Variants in ZNF200 observed in about 807,000 individuals in gnomAD.
The protein encoded by ZNF200 is zinc finger protein 200.
A neutral mutation model predicts 33.6 loss-of-function variants in ZNF200; 35 were observed. That is an observed-to-expected ratio of 1.04 (90% CI 0.80 to 1.38). The LOEUF (loss-of-function observed/expected upper bound fraction) is 1.38, where lower values mean the gene tolerates loss of function less well. ZNF200 is among the 40% of genes most tolerant of loss of function. The pLI, the probability that ZNF200 is intolerant of heterozygous loss-of-function variation, is 0.00. For synonymous variants in ZNF200, 209 were observed against 167.7 expected, an observed-to-expected ratio of 1.25 and a Z score of -1.90; for missense variants, 592 against 470.6, an observed-to-expected ratio of 1.26 and a Z score of -2.39.
Position 3,232,904 on chromosome 16 carries a change from C to T in ZNF200, c.268G>A (p.Val90Met). Residue 90 changes from valine to methionine, a missense_variant, in exon 3 of 5, where the codon GTG becomes ATG. By Grantham distance (21) the Val-to-Met change is conservative. Coordinates refer to ENST00000414144, the MANE Select transcript of ZNF200 (RefSeq NM_198088.3). ...LQNRVHPRPL[V>M]KLLPKGVQKE... ...TGGACTCCTTTGGGCAGAAGCTTCA[C>T]CAAGGGACGAGGATGCACTGGGGAA... 6.2e-7 allele frequency: 1 copy of T among 1,613,742 alleles called. No homozygotes were observed. The highest frequency in any genetic ancestry group is 8.5e-7 in the Non-Finnish European group (1 of 1,179,822).
At position 3,233,763 on chromosome 16, in the gene ZNF200, A is replaced by G; in HGVS notation, c.-8T>C. 2 of 1,606,504 alleles carry G rather than the reference A, an allele frequency of 1.2e-6. No homozygotes were observed. The highest frequency in any genetic ancestry group is 1.7e-6 in the Non-Finnish European group (2 of 1,176,018). The stretch of plus-strand genomic sequence containing the variant: ...CACTTTTGCAGCCATCATGCCTTGC[A>G]ACCACACACCACACTCGTTTCGCGG... On this transcript the variant is annotated 5_prime_UTR_variant, in exon 2 of 5. Coordinates refer to ENST00000414144, the MANE Select transcript of ZNF200 (RefSeq NM_198088.3).
chr16:3,229,031 C>T (rs143042788), intron 4 of ZNF200, among the ~76,000 whole-genome samples: 470 of 152,060 alleles, frequency 3.1e-3, no homozygotes, highest in African/African-American at 0.011. Flanking sequence ...GTTTTTTTGT[C>T]ATTCCCTAAA....
At position 3,235,039 on chromosome 16, in the gene ZNF200, C is replaced by A. The variant is rs957464234; in HGVS notation, c.-134G>T. 6.6e-6 allele frequency: 1 copy of A among 152,252 alleles called. No individual in the cohort carries two copies. The highest frequency in any genetic ancestry group is 2.4e-5 in the African/African-American group (1 of 41,460). 9.4% of individuals were successfully genotyped at this position (152,252 alleles called of 1,614,324 possible). A position where few individuals can be genotyped will look rare whatever the true frequency, so the allele number is the denominator to read the frequency against. ...GTTTGCTGGGGACGGCTCAGAGACT[C>A]AGGCTCCGGGAGAGATAGAAAAACT... is the stretch of plus-strand genomic sequence containing the variant. On this transcript the variant is annotated 5_prime_UTR_variant, in exon 1 of 5. Transcript: ENST00000414144.
rs140393003 is a variant in ZNF200 at position 3,232,544 on chromosome 16, G to C, written c.343C>G (p.Leu115Val). 38 of 1,613,396 alleles carry C rather than the reference G, an allele frequency of 2.4e-5. No individual in the cohort carries two copies. The African/African-American group carries it at 4.3e-4, about 18-fold the overall frequency. Residue 115 changes from leucine to valine, a missense_variant, in exon 4 of 5, where the codon CTG becomes GTG. Leu to Val is a conservative substitution (Grantham distance 32). Coordinates refer to ENST00000414144, the MANE Select transcript of ZNF200 (RefSeq NM_198088.3). Reference sequence around the variant, plus strand: ...ACATTCAAATCCTCAAAGACCACCAGCTCCTGAAAGAGCAAGAGGCCCCTT... The same window carrying C: ...ACATTCAAATCCTCAAAGACCACCACCTCCTGAAAGAGCAAGAGGCCCCTT... ...SLYLKANPEE[L>V]VVFEDLNVFH...
At position 3,223,689 on chromosome 16, in the gene ZNF200, T is replaced by C; in HGVS notation, c.*203A>G. ...TCCTTAGTCCAAAAAGCCTAGATGC[T>C]GAGGTATAGCCCTTGAAATGTTTTC... On this transcript the variant is annotated 3_prime_UTR_variant, in exon 5 of 5. Coordinates refer to ENST00000414144, the MANE Select transcript of ZNF200 (RefSeq NM_198088.3). 2.9e-6 allele frequency: 2 copies of C among 691,770 alleles called. No homozygotes were observed. The highest frequency in any genetic ancestry group is 4.5e-6 in the Non-Finnish European group (2 of 446,712). 42.9% of individuals were successfully genotyped at this position (691,770 alleles called of 1,614,324 possible). A position where few individuals can be genotyped will look rare whatever the true frequency, so the allele number is the denominator to read the frequency against.
rs144940925 is a variant in ZNF200 at position 3,224,264 on chromosome 16, C to T, written c.816G>A (p.Arg272=). ...CATAGGGTTTTTCTCCAGTGTGGGT[C>T]CTCTGGTGGGAAATGAGGTAAGAAC... ...NESSYLISHQ[R]THTGEKPYDC... is the part of the protein sequence containing the mutation. The change falls in exon 5 of 5, where the codon AGG becomes AGA. Residue 272 remains arginine, a synonymous_variant. Transcript: ENST00000414144. 2.5e-4 allele frequency: 400 copies of T among 1,614,010 alleles called. No individual in the cohort carries two copies. Among genetic ancestry groups the T allele is most frequent in the Non-Finnish European group, 3.2e-4 (382 of 1,180,020 alleles).
intron 4 of ZNF200, among the ~76,000 whole-genome samples, chr16:3,228,800 T>G (rs1473043971): frequency 3.3e-5 from 5 of 152,128 alleles, no homozygotes; most frequent in African/African-American, 1.2e-4. Context: ...GTGCCCAGCA[T>G]GGGGACTGGA....
intron 4 of ZNF200, chr16:3,227,768 G>T (rs369749741): frequency 1.2e-4 from 18 of 152,290 alleles, no homozygotes; most frequent in African/African-American, 4.3e-4. Context: ...CAGCCATGCT[G>T]AACTGTGAGT....
chr16:3,232,817 G>A lies in ZNF200; in HGVS notation c.339+16C>T. ...AGGTGATGGATTCAGGCAGTAAATG[G>A]GAAAACCAAACCCACCTCAGGGTTA... On this transcript the variant is annotated intron_variant, in intron 3 of 4. Transcript: ENST00000414144. 1.2e-6 allele frequency: 2 copies of A among 1,612,700 alleles called. No homozygotes were observed. The highest frequency in any genetic ancestry group is 1.7e-6 in the Non-Finnish European group (2 of 1,178,944).
chr16:3,223,742 G>T lies in ZNF200; in HGVS notation c.*150C>A. The T allele has an allele frequency of 8.4e-7, 1 of 1,194,710 alleles. No individual in the cohort carries two copies. Among genetic ancestry groups the T allele is most frequent in the Non-Finnish European group, 1.2e-6 (1 of 869,042 alleles). 74.0% of individuals were successfully genotyped at this position (1,194,710 alleles called of 1,614,324 possible). ...CCCTGTGAATTTTCTAGCAATTTGAGGTTTTAGCTAAGATGGGCATTTATC... is the reference window on the plus strand; with the variant it reads ...CCCTGTGAATTTTCTAGCAATTTGATGTTTTAGCTAAGATGGGCATTTATC... On this transcript the variant is annotated 3_prime_UTR_variant, in exon 5 of 5. Coordinates refer to ENST00000414144, the MANE Select transcript of ZNF200 (RefSeq NM_198088.3).
intron 4 of ZNF200, chr16:3,227,560 T>C (rs951926746): frequency 6.6e-6 from 1 of 152,216 alleles, no homozygotes; most frequent in African/African-American, 2.4e-5. Flanking sequence ...CAAGGAGACA[T>C]CAGGTGAAGG....
rs1223471601 is a variant in ZNF200 at position 3,232,872 on chromosome 16, T to C, written c.300A>G (p.Glu100=). The C allele has an allele frequency of 1.2e-6, 2 of 1,613,876 alleles. No individual in the cohort carries two copies. The highest frequency in any genetic ancestry group is 1.1e-5 in the South Asian group (1 of 91,078). The change falls in exon 3 of 5, where the codon GAA becomes GAG. Residue 100 remains glutamate, a synonymous_variant. Transcript: ENST00000414144. ...TCAAATACAGAGACACTGTCTCTTG[T>C]TCCTTTTGGACTCCTTTGGGCAGAA... ...VKLLPKGVQK[E]QETVSLYLKA...
chr16:3,232,641 G>T, intron 3 of ZNF200, 94 bp from the exon 4 acceptor site: 1 of 1,554,288 alleles, frequency 6.4e-7, no homozygotes. Flanking sequence ...TCAAGGGAAG[G>T]GATAGCAAGA....
At chr16:3,233,232 T>G (rs765688958) in intron 2 of ZNF200, among the ~76,000 whole-genome samples, 3 of 152,224 alleles carry the variant, frequency 2.0e-5, no homozygotes, top group Non-Finnish European at 1.5e-5. Flanking sequence ...AAATTCCACA[T>G]CAACCTAACT....
chr16:3,228,971 T>G (rs189664633), intron 4 of ZNF200, among the ~76,000 whole-genome samples: 2 of 152,308 alleles, frequency 1.3e-5, no homozygotes, highest in East Asian at 3.9e-4. Flanking sequence ...AACCAAGGAT[T>G]GAAAATATTT....
chr16:3,223,083 G>C lies in ZNF200; in HGVS notation c.*809C>G, dbSNP rs910959215. On this transcript the variant is annotated 3_prime_UTR_variant, in exon 5 of 5. Coordinates refer to ENST00000414144, the MANE Select transcript of ZNF200 (RefSeq NM_198088.3). ...ACATGAGATCTGGGCTCAACAGAGG[G>C]ACAAGATTCTGAAGAGCTTTTCTAG... is the stretch of plus-strand genomic sequence containing the variant. 4 of 152,236 alleles carry C rather than the reference G, an allele frequency of 2.6e-5. No homozygotes were observed. The highest frequency in any genetic ancestry group is 4.8e-5 in the African/African-American group (2 of 41,450). 9.4% of individuals were successfully genotyped at this position (152,236 alleles called of 1,614,324 possible). A position where few individuals can be genotyped will look rare whatever the true frequency, so the allele number is the denominator to read the frequency against.
chr16:3,224,901 A>G (rs1958428267), intron 4 of ZNF200: 1 of 374,712 alleles, frequency 2.7e-6, no homozygotes, highest in Non-Finnish European at 4.9e-6. Flanking sequence ...CGACAAGTTC[A>G]TATTCACCTT....
chr16:3,233,765 C>G lies in ZNF200; in HGVS notation c.-10G>C. On this transcript the variant is annotated 5_prime_UTR_variant, in exon 2 of 5. Transcript: ENST00000414144. ...CTTTTGCAGCCATCATGCCTTGCAA[C>G]CACACACCACACTCGTTTCGCGGGG... The G allele has an allele frequency of 6.2e-7, 1 of 1,603,070 alleles. No individual in the cohort carries two copies. Among genetic ancestry groups the G allele is most frequent in the East Asian group, 2.2e-5 (1 of 44,672 alleles).
chr16:3,224,188 G>C lies in ZNF200; in HGVS notation c.892C>G (p.His298Asp), dbSNP rs1039471045. 6.2e-7 allele frequency: 1 copy of C among 1,614,180 alleles called. No homozygotes were observed. Among genetic ancestry groups the C allele is most frequent in the Non-Finnish European group, 8.5e-7 (1 of 1,180,034 alleles). ...SFNHKTNLNK[H>D]ERIHTGEKPY... ...TTCTCTCCTGTATGAATTCGCTCAT[G>C]TTTATTGAGGTTTGTTTTATGATTG... Residue 298 changes from histidine to aspartate, a missense_variant, in exon 5 of 5, where the codon CAT becomes GAT. Coordinates refer to ENST00000414144, the MANE Select transcript of ZNF200 (RefSeq NM_198088.3).
Sources: allele counts gnomAD v4.1 joint callset (sites outside exome capture counted in the v4.1 genomes callset), GRCh38; gene constraint gnomAD v4.1.1; transcripts MANE v1.5; gene names NCBI Gene and HGNC (gene_info 2026-07-23, HGNC 2026-07-21).